Variants in IMMP2L observed in about 807,000 individuals in gnomAD.
IMMP2L encodes mitochondrial inner membrane protease subunit 2.
A neutral mutation model predicts 19.3 loss-of-function variants in IMMP2L; 18 were observed. The ratio of observed to expected loss-of-function variants is 0.93; its 90% CI spans 0.64 to 1.38. The LOEUF (loss-of-function observed/expected upper bound fraction) is 1.38. Ranked by LOEUF, IMMP2L falls within the 40% of genes most tolerant of loss-of-function variation. IMMP2L has a pLI of 0.00. For missense variants in IMMP2L, 233 were observed against 218.2 expected (o/e 1.07, Z -0.43); for synonymous variants, 76 against 73.0 (o/e 1.04, Z -0.21).
Position 110,757,549 on chromosome 7 carries a change from C to T in IMMP2L, c.409-93828G>A, listed in dbSNP as rs1798106327. 6.6e-6 allele frequency among the ~76,000 whole-genome samples: 1 copy of T among 152,058 alleles called. No homozygotes were observed. Among genetic ancestry groups the T allele is most frequent in the African/African-American group, 2.4e-5 (1 of 41,422 alleles). ...GCCCTCTGGCTTCCGATTTGGTACA[C>T]ATAATGAGGATCCCCAGTTGAAGTT... On this transcript the variant is annotated intron_variant, in intron 5 of 5. Transcript: ENST00000405709. The surrounding 1 kb of genome is among the most constrained non-coding windows in gnomAD (Gnocchi z 4.2).
At chr7:111,257,688 G>A (rs1336511244) in intron 3 of IMMP2L, among the ~76,000 whole-genome samples, 4 of 151,982 alleles carry the variant, frequency 2.6e-5, no homozygotes, top group Admixed American at 2.6e-4. Context: ...CTCATTATAA[G>A]CTTAAACTAG....
chr7:111,094,295 A>C (rs1787420920), intron 3 of IMMP2L, among the ~76,000 whole-genome samples: 1 of 152,174 alleles, frequency 6.6e-6, no homozygotes, highest in African/African-American at 2.4e-5. Flanking sequence ...GCAGCCCCTG[A>C]AAATGGGCAG....
At chr7:110,742,704 T>C (rs1185313205) in intron 5 of IMMP2L, among the ~76,000 whole-genome samples, 1 of 149,500 alleles carries the variant, frequency 6.7e-6, no homozygotes, top group Non-Finnish European at 1.5e-5. Flanking sequence ...GAGGCAGAGG[T>C]TGCAGTGCGC....
At chr7:110,951,547 GTGTGTGTGTGTGTGTA>G (rs890822858) in intron 4 of IMMP2L, among the ~76,000 whole-genome samples, 6 of 151,694 alleles carry the variant, frequency 4.0e-5, no homozygotes, top group African/African-American at 1.5e-4. Context: ...TGGTGTGTGT[GTGTGTGTGTGTGTGTA>G]TGTGTGTGTG....
At chr7:111,300,941 C>A (rs564440345) in intron 3 of IMMP2L, among the ~76,000 whole-genome samples, 1 of 152,210 alleles carries the variant, frequency 6.6e-6, no homozygotes, top group Admixed American at 6.5e-5. Context: ...TTTCATCACT[C>A]TCAGATAAAT....
intron 3 of IMMP2L, among the ~76,000 whole-genome samples, chr7:111,360,045 C>G (rs1044325655): frequency 2.0e-5 from 3 of 151,908 alleles, no homozygotes; most frequent in Admixed American, 6.6e-5. Flanking sequence ...AATTCCTATC[C>G]TGTTGAAATT....
chr7:111,141,549 T>C (rs1802893733), intron 3 of IMMP2L, among the ~76,000 whole-genome samples: 1 of 152,134 alleles, frequency 6.6e-6, no homozygotes, highest in South Asian at 2.1e-4. Flanking sequence ...ATTCCCAAAC[T>C]GTCTATAGAA....
intron 5 of IMMP2L, among the ~76,000 whole-genome samples, chr7:110,832,698 T>G (rs1335223375): frequency 6.6e-6 from 1 of 152,114 alleles, no homozygotes; most frequent in Non-Finnish European, 1.5e-5. Flanking sequence ...AAAAGTTTCT[T>G]TTGTTCACAA....
intron 3 of IMMP2L, among the ~76,000 whole-genome samples, chr7:111,380,218 C>A (rs1390650190): frequency 6.6e-6 from 1 of 151,916 alleles, no homozygotes; most frequent in Non-Finnish European, 1.5e-5. Flanking sequence ...AAGGCCCCGC[C>A]ATGAGAGTTT....
intron 3 of IMMP2L, among the ~76,000 whole-genome samples, chr7:111,132,184 G>A (rs1586488796): frequency 6.6e-6 from 1 of 152,058 alleles, no homozygotes; most frequent in Middle Eastern, 3.4e-3. Flanking sequence ...GAAAACCTAT[G>A]CATATTCTTA....
At chr7:110,665,004 C>T (rs1268789143) in intron 5 of IMMP2L, 1 of 152,140 alleles carries the variant, frequency 6.6e-6, no homozygotes, top group South Asian at 2.1e-4. Context: ...AACTGGATGT[C>T]AGGGAAGGCT....
chr7:111,066,856 G>C (rs35791388), intron 3 of IMMP2L, among the ~76,000 whole-genome samples: 1,663 of 152,220 alleles, frequency 0.011, 26 homozygotes, highest in African/African-American at 0.031. Context: ...TTAATGTAAG[G>C]GTTTTGGGTT....
intron 3 of IMMP2L, among the ~76,000 whole-genome samples, chr7:111,153,526 T>C (rs548173388): frequency 6.6e-6 from 1 of 152,186 alleles, no homozygotes; most frequent in South Asian, 2.1e-4. Flanking sequence ...GTAAGGAAAT[T>C]GACCAGTTTA....
chr7:111,484,405 T>G (rs1362655964), intron 3 of IMMP2L, among the ~76,000 whole-genome samples: 1 of 152,176 alleles, frequency 6.6e-6, no homozygotes, highest in African/African-American at 2.4e-5. Flanking sequence ...TCTCAAGATT[T>G]TTTTAATATA....
intron 1 of IMMP2L, among the ~76,000 whole-genome samples, chr7:111,535,399 G>A (rs1847797144): frequency 6.6e-6 from 1 of 152,100 alleles, no homozygotes. Context: ...TTTAGTGAGA[G>A]TGTCTAACGA....
rs1232523792 is a variant in IMMP2L, at chr7:110,848,138, A to G, written c.408+38455T>C. 3.9e-5 allele frequency among the ~76,000 whole-genome samples: 6 copies of G among 152,308 alleles called. 1 individual carries two copies. The South Asian group carries it at 1.0e-3, about 26-fold the overall frequency. ...ATCAGACAATAAGCCACAGACTGTG[A>G]GAAAGTATTTGTAAAAGAAATGTCT... On this transcript the variant is annotated intron_variant, in intron 5 of 5. Transcript: ENST00000405709.
intron 3 of IMMP2L, among the ~76,000 whole-genome samples, chr7:111,305,051 G>C (rs1435981007): frequency 6.6e-6 from 1 of 152,056 alleles, no homozygotes; most frequent in Non-Finnish European, 1.5e-5. Context: ...TCTTTGACAA[G>C]TGTATGAATA....
chr7:110,919,781 T>C (rs1814046125), intron 4 of IMMP2L, among the ~76,000 whole-genome samples: 2 of 152,136 alleles, frequency 1.3e-5, no homozygotes, highest in Non-Finnish European at 2.9e-5. Context: ...CTTGATTGGA[T>C]TGAAGGATGC....
rs368930496 is a variant in IMMP2L, at chr7:110,833,467, G to A, written c.408+53126C>T. Among the ~76,000 whole-genome samples the A allele has an allele frequency of 2.0e-3, 296 of 149,028 alleles. 1 individual carries two copies. The highest frequency in any genetic ancestry group is 6.9e-3 in the African/African-American group (280 of 40,758). ...AAAAAAAAAAAAAAAGAGAGAGAGAGCTTTAATCACAAAATTAGAGTATTT... is the reference window on the plus strand; with the variant it reads ...AAAAAAAAAAAAAAAGAGAGAGAGAACTTTAATCACAAAATTAGAGTATTT... On this transcript the variant is annotated intron_variant, in intron 5 of 5. Coordinates refer to ENST00000405709, the MANE Select transcript of IMMP2L (RefSeq NM_032549.4).
Sources: gnomAD v4.1 joint callset for allele counts (sites outside exome capture counted in the v4.1 genomes callset) on GRCh38, gnomAD v4.1.1 for gene constraint, Gnocchi (gnomAD v3.1) non-coding constraint, MANE v1.5 for transcripts, NCBI Gene and HGNC (gene_info 2026-07-23, HGNC 2026-07-21) for gene names.